Variants in KDM3B observed in about 807,000 individuals in gnomAD.
KDM3B encodes the protein lysine demethylase 3B, also known as lysine-specific demethylase 3B.
Under a neutral mutation model 170.0 loss-of-function variants are expected in KDM3B, and 10 were observed. The ratio of observed to expected loss-of-function variants is 0.06; its 90% CI spans 0.04 to 0.10. KDM3B has a LOEUF of 0.10. KDM3B is among the 10% of genes least tolerant of loss of function. KDM3B has a pLI of 1.00. For missense variants in KDM3B, 1,394 were observed against 2,195.2 expected, an observed-to-expected ratio of 0.64 and a Z score of 7.29; for synonymous variants, 831 against 834.8, an observed-to-expected ratio of 1.00 and a Z score of 0.08.
At chr5:138,365,525 T>C (rs1350538266) in intron 1 of KDM3B, among the ~76,000 whole-genome samples, 1 of 151,970 alleles carries the variant, frequency 6.6e-6, no homozygotes, top group Non-Finnish European at 1.5e-5. Flanking sequence ...CCCAGAGTGC[T>C]GGGATTACGG....
intron 1 of KDM3B, among the ~76,000 whole-genome samples, chr5:138,366,781 T>C (rs768125462): frequency 5.9e-5 from 9 of 152,194 alleles, no homozygotes; most frequent in Non-Finnish European, 1.0e-4. Flanking sequence ...CCAAAAGATA[T>C]AGTGGGCATT....
intron 11 of KDM3B, among the ~76,000 whole-genome samples, chr5:138,412,695 A>G (rs1469603843): frequency 6.6e-6 from 1 of 152,014 alleles, no homozygotes; most frequent in Non-Finnish European, 1.5e-5. Flanking sequence ...ACAGTGGTGT[A>G]ACACCTATAA....
At chr5:138,408,629 C>T (rs62380957) in intron 11 of KDM3B, among the ~76,000 whole-genome samples, 7,938 of 152,172 alleles carry the variant, frequency 0.052, 268 homozygotes, top group Middle Eastern at 0.088. Flanking sequence ...TAGAAAGTTA[C>T]AGCCCCAGTA....
chr5:138,416,607 A>C (rs1448454712), intron 12 of KDM3B, among the ~76,000 whole-genome samples: 18 of 151,268 alleles, frequency 1.2e-4, no homozygotes, highest in African/African-American at 3.9e-4. Flanking sequence ...AAAAAAAAAA[A>C]AAACATAACA....
intron 20 of KDM3B, 141 bp from the exon 21 acceptor site, chr5:138,429,685 G>A (rs1049690110): frequency 1.2e-6 from 1 of 839,504 alleles, no homozygotes; most frequent in Non-Finnish European, 1.9e-6. Context: ...GCTTAGACCA[G>A]TATCAATTTT....
At chr5:138,385,993 T>C (rs777216034) in intron 6 of KDM3B, 29 bp from the exon 7 acceptor site, 2 of 1,562,720 alleles carry the variant, frequency 1.3e-6, no homozygotes, top group South Asian at 1.2e-5. Flanking sequence ...AAAGTTTCCT[T>C]GTAATCTTTT....
chr5:138,412,558 G>A (rs1448462635), intron 11 of KDM3B, among the ~76,000 whole-genome samples: 1 of 152,022 alleles, frequency 6.6e-6, no homozygotes, highest in Non-Finnish European at 1.5e-5. Context: ...GGAGGCTGAG[G>A]TGGGAGAATT....
rs377238192 is a variant in KDM3B at position 138,425,528 on chromosome 5, A to G, written c.4357A>G (p.Ile1453Val). 1.2e-6 allele frequency: 2 copies of G among 1,614,182 alleles called. No homozygotes were observed. Among genetic ancestry groups the G allele is most frequent in the South Asian group, 1.1e-5 (1 of 91,082 alleles). ...VDLVNCRNCA[I>V]ISDVKVRDFW... is the part of the protein sequence containing the mutation. ...CTTGGTGAACTGCAGGAACTGTGCT[A>G]TAATTTCCGATGTGAAAGTTCGGGA... The change falls in exon 17 of 24, where the codon ATA becomes GTA. Residue 1453 changes from isoleucine to valine, a missense_variant. Ile to Val is a conservative substitution (Grantham distance 29). Coordinates refer to ENST00000314358, the MANE Select transcript of KDM3B (RefSeq NM_016604.4).
At chr5:138,415,059 C>T (rs1298137980) in intron 11 of KDM3B, 73 bp from the exon 12 acceptor site, 2 of 1,047,710 alleles carry the variant, frequency 1.9e-6, no homozygotes, top group Non-Finnish European at 2.8e-6. Context: ...CTTTGGGGTT[C>T]TGAAACTCCA....
At chr5:138,354,236 A>G (rs1428250867) in intron 1 of KDM3B, among the ~76,000 whole-genome samples, 3 of 151,946 alleles carry the variant, frequency 2.0e-5, no homozygotes, top group African/African-American at 7.3e-5. Flanking sequence ...ATTTTTCTTC[A>G]TGCTGTATAA....
intron 5 of KDM3B, among the ~76,000 whole-genome samples, chr5:138,381,109 G>C (rs1277573115): frequency 2.0e-5 from 3 of 151,998 alleles, no homozygotes; most frequent in African/African-American, 7.3e-5. Context: ...GCTGACCTCA[G>C]GTGATCCACC....
chr5:138,428,699 GAGAAA>G (rs1561797291), intron 20 of KDM3B, among the ~76,000 whole-genome samples: 1 of 152,098 alleles, frequency 6.6e-6, no homozygotes, highest in Non-Finnish European at 1.5e-5. Flanking sequence ...GCCTCACAAA[GAGAAA>G]TGAAGAAAGG....
In KDM3B at chr5:138,420,837, G is replaced by A; in HGVS notation, c.3847G>A (p.Ala1283Thr). The A allele has an allele frequency of 6.2e-7, 1 of 1,614,116 alleles. No homozygotes were observed. Among genetic ancestry groups the A allele is most frequent in the South Asian group, 1.1e-5 (1 of 91,074 alleles). Reference sequence around the variant, plus strand: ...TAACAGTCTGTTGCTGGGTCCCACTGCCTCCAACAACAAAACCGAAGGGTC... The same window carrying A: ...TAACAGTCTGTTGCTGGGTCCCACTACCTCCAACAACAAAACCGAAGGGTC... ...LFNSLLLGPTASNNKTEGSSL... is the reference protein window; with the variant it reads ...LFNSLLLGPTTSNNKTEGSSL... Residue 1283 changes from alanine to threonine, a missense_variant, in exon 15 of 24, where the codon GCC (alanine) becomes ACC (threonine). Physicochemically the swap from Ala to Thr is moderately conservative, Grantham distance 58. Around this residue, in one of 19 missense-constraint regions of KDM3B, gnomAD observed 137 missense variants for 166.9 expected, o/e 0.82. Coordinates refer to ENST00000314358, the MANE Select transcript of KDM3B (RefSeq NM_016604.4).
chr5:138,409,509 G>A (rs1316801763), intron 11 of KDM3B, among the ~76,000 whole-genome samples: 1 of 152,044 alleles, frequency 6.6e-6, no homozygotes, highest in African/African-American at 2.4e-5. Context: ...AAGTGCTTAG[G>A]GACAAATTTA....
intron 11 of KDM3B, among the ~76,000 whole-genome samples, chr5:138,409,068 T>C (rs1325313063): frequency 3.3e-5 from 5 of 152,236 alleles, no homozygotes; most frequent in Admixed American, 1.3e-4. Context: ...CAACTATGTA[T>C]AAGTAGAATA....
intron 6 of KDM3B, among the ~76,000 whole-genome samples, chr5:138,384,283 G>T (rs1275075899): frequency 6.6e-6 from 1 of 150,672 alleles, no homozygotes; most frequent in Non-Finnish European, 1.5e-5. Context: ...ACAACACTTA[G>T]CAAACAGATA....
At chr5:138,355,235 C>G (rs1321423929) in intron 1 of KDM3B, among the ~76,000 whole-genome samples, 1 of 152,142 alleles carries the variant, frequency 6.6e-6, no homozygotes, top group African/African-American at 2.4e-5. Flanking sequence ...GCAGGGCGCC[C>G]CCTTTTAAGG....
chr5:138,354,267 A>G (rs1761399640), intron 1 of KDM3B, among the ~76,000 whole-genome samples: 1 of 152,186 alleles, frequency 6.6e-6, no homozygotes, highest in Non-Finnish European at 1.5e-5. Flanking sequence ...TAGGACATTT[A>G]TAAGGCCTCA....
intron 11 of KDM3B, among the ~76,000 whole-genome samples, chr5:138,410,103 G>GAAAAT (rs1762923948): frequency 6.6e-6 from 1 of 151,868 alleles, no homozygotes; most frequent in Non-Finnish European, 1.5e-5. Flanking sequence ...AAAAAGAAAA[G>GAAAAT]AAAAGAAAAG....
Sources: gnomAD v4.1 joint callset for allele counts (sites outside exome capture counted in the v4.1 genomes callset) on GRCh38, gnomAD v4.1.1 for gene constraint, gnomAD v4.1.1 regional missense constraint, MANE v1.5 for transcripts, NCBI Gene and HGNC (gene_info 2026-07-23, HGNC 2026-07-21) for gene names.